The following CSF2RB variants were observed in gnomAD, a reference collection of about 807,000 sequenced individuals.
CSF2RB encodes cytokine receptor common subunit beta.
CSF2RB carries 22 observed loss-of-function variants against 67.2 expected under a neutral mutation model. The ratio of observed to expected loss-of-function variants is 0.33; its 90% CI spans 0.23 to 0.47. The LOEUF is 0.47. Among genes scored for constraint, CSF2RB ranks in the 20% least tolerant of loss-of-function variants. CSF2RB has a pLI of 1.00. For synonymous variants in CSF2RB, 507 were observed against 482.9 expected, an observed-to-expected ratio of 1.05 and a Z score of -0.65; for missense variants, 1,113 against 1,174.5, an observed-to-expected ratio of 0.95 and a Z score of 0.76.
At chr22:36,932,936 A>C (rs1394001919) in intron 9 of CSF2RB, 32 bp downstream of exon 9, 1 of 1,612,180 alleles carries the variant, frequency 6.2e-7, no homozygotes, top group African/African-American at 1.3e-5. Context: ...GGGGAGAAAC[A>C]CTGGGGAGGG....
At chr22:36,918,831 G>A (rs937542211) in intron 1 of CSF2RB, among the ~76,000 whole-genome samples, 6 of 152,192 alleles carry the variant, frequency 3.9e-5, no homozygotes, top group African/African-American at 1.4e-4. Context: ...TGGGAATCCA[G>A]CTTCCTCTCT....
intron 4 of CSF2RB, among the ~76,000 whole-genome samples, chr22:36,927,021 T>A (rs1217194153): frequency 2.0e-5 from 3 of 152,150 alleles, no homozygotes; most frequent in Non-Finnish European, 4.4e-5. Context: ...GGGAGGTGAC[T>A]AGTCCAAGGC....
chr22:36,928,467 G>A (rs16997508), intron 4 of CSF2RB, among the ~76,000 whole-genome samples: 5,390 of 152,226 alleles, frequency 0.035, 316 homozygotes, highest in African/African-American at 0.12. Context: ...GTTCTGGGTT[G>A]ATGGTTCCTG....
In CSF2RB at chr22:36,926,098, C is replaced by G; in HGVS notation, c.312C>G (p.Val104=). 6.2e-7 allele frequency: 1 copy of G among 1,614,222 alleles called. No individual in the cohort carries two copies. The highest frequency in any genetic ancestry group is 1.1e-5 in the South Asian group (1 of 91,082). ...RRCVIPCQSF[V]VTDVDYFSFQ... Reference sequence around the variant, plus strand: ...GTGTCATTCCCTGCCAGAGTTTTGTCGTCACTGACGTTGACTACTTCTCAT... The same window carrying G: ...GTGTCATTCCCTGCCAGAGTTTTGTGGTCACTGACGTTGACTACTTCTCAT... Residue 104 remains valine (V), a synonymous_variant, in exon 4 of 14, where the codon GTC becomes GTG. Coordinates refer to ENST00000403662, the MANE Select transcript of CSF2RB (RefSeq NM_000395.3).
At chr22:36,935,738 T>C in intron 12 of CSF2RB, 51 bp downstream of exon 12, 1 of 1,574,576 alleles carries the variant, frequency 6.4e-7, no homozygotes, top group Non-Finnish European at 8.7e-7. Context: ...TTCCTGCCTC[T>C]CTTGTCTCTG....
At position 36,922,095 on chromosome 22, in the gene CSF2RB, C is replaced by A; in HGVS notation, c.-113C>A. 1.0e-6 allele frequency: 1 copy of A among 994,254 alleles called. No homozygotes were observed. Among genetic ancestry groups the A allele is most frequent in the Non-Finnish European group, 1.5e-6 (1 of 654,784 alleles). 61.6% of individuals were successfully genotyped at this position (994,254 alleles called of 1,614,324 possible). ...CCAAGAGCCTGTGAAATGGGTCTGG[C>A]CTGGCTCCCAGCTGGGCAGGAACAC... is the stretch of plus-strand genomic sequence containing the variant. On this transcript the variant is annotated 5_prime_UTR_variant, in exon 2 of 14. Coordinates refer to ENST00000403662, the MANE Select transcript of CSF2RB (RefSeq NM_000395.3).
chr22:36,925,928 C>G (rs1231739239), intron 3 of CSF2RB, 59 bp from the exon 4 acceptor site: 15 of 1,583,916 alleles, frequency 9.5e-6, no homozygotes, highest in East Asian at 2.2e-5. Context: ...ACTCGAGGAA[C>G]CTTTCGTGAG....
chr22:36,935,516 C>T (rs1254671386), intron 11 of CSF2RB, 75 bp downstream of exon 11: 2 of 1,603,750 alleles, frequency 1.2e-6, no homozygotes, highest in Non-Finnish European at 1.7e-6. Flanking sequence ...CCAGCTCCCT[C>T]CAGGCCCTGC....
At position 36,938,233 on chromosome 22, in the gene CSF2RB, C is replaced by A; in HGVS notation, c.2425C>A (p.Gln809Lys). The A allele has an allele frequency of 6.2e-7, 1 of 1,614,204 alleles. No individual in the cohort carries two copies. Among genetic ancestry groups the A allele is most frequent in the Non-Finnish European group, 8.5e-7 (1 of 1,180,014 alleles). The change falls in exon 14 of 14, where the codon CAG (glutamine) becomes AAG (lysine). Residue 809 changes from glutamine (Q) to lysine (K), a missense_variant. By Grantham distance (53) the Gln-to-Lys change is moderately conservative. Transcript: ENST00000403662. ...GGCAGATGTGTCCCCAACATCCCCA[C>A]AGCCCGAGGGCCTCCTTGTCCTGCA... ...RPADVSPTSPQPEGLLVLQQV... is the reference protein window; with the variant it reads ...RPADVSPTSPKPEGLLVLQQV...
rs2145833795 is a variant in CSF2RB at position 36,940,310 on chromosome 22, A to G, written c.*1808A>G. 1 of 152,380 alleles carries G rather than the reference A, an allele frequency of 6.6e-6. No homozygotes were observed. Among genetic ancestry groups the G allele is most frequent in the South Asian group, 2.1e-4 (1 of 4,834 alleles). 9.4% of individuals were successfully genotyped at this position (152,380 alleles called of 1,614,324 possible). A position where few individuals can be genotyped will look rare whatever the true frequency, so the allele number is the denominator to read the frequency against. On this transcript the variant is annotated 3_prime_UTR_variant, in exon 14 of 14. Coordinates refer to ENST00000403662, the MANE Select transcript of CSF2RB (RefSeq NM_000395.3). Reference sequence around the variant, plus strand: ...ATAACAACATTTTAGTACATTGTAAAGTAGAATCCTCTGTTCATAATGAAC... The same window carrying G: ...ATAACAACATTTTAGTACATTGTAAGGTAGAATCCTCTGTTCATAATGAAC...
Position 36,922,112 on chromosome 22 carries a change from C to A in CSF2RB, c.-96C>A. Reference sequence around the variant, plus strand: ...GGGTCTGGCCTGGCTCCCAGCTGGGCAGGAACACAGGACTTCAGGACACTA... The same window carrying A: ...GGGTCTGGCCTGGCTCCCAGCTGGGAAGGAACACAGGACTTCAGGACACTA... On this transcript the variant is annotated 5_prime_UTR_variant, in exon 2 of 14. Coordinates refer to ENST00000403662, the MANE Select transcript of CSF2RB (RefSeq NM_000395.3). 8.4e-7 allele frequency: 1 copy of A among 1,184,316 alleles called. No homozygotes were observed. The highest frequency in any genetic ancestry group is 1.2e-6 in the Non-Finnish European group (1 of 825,440). 73.4% of individuals were successfully genotyped at this position (1,184,316 alleles called of 1,614,324 possible).
At chr22:36,917,817 G>A (rs1456938576) in intron 1 of CSF2RB, among the ~76,000 whole-genome samples, 3 of 152,050 alleles carry the variant, frequency 2.0e-5, no homozygotes, top group Non-Finnish European at 2.9e-5. Flanking sequence ...CAGCTACTTG[G>A]GAGGCTAAGT....
At chr22:36,923,945 C>T (rs1028168461) in intron 3 of CSF2RB, 22 of 402,626 alleles carry the variant, frequency 5.5e-5, no homozygotes, top group African/African-American at 4.6e-4. Flanking sequence ...CCCACCCAAG[C>T]TCTCCTGGGC....
At chr22:36,928,032 CT>C (rs2145800436) in intron 4 of CSF2RB, among the ~76,000 whole-genome samples, 1 of 152,286 alleles carries the variant, frequency 6.6e-6, no homozygotes, top group Non-Finnish European at 1.5e-5. Flanking sequence ...ATGGAGACAA[CT>C]TAGATATAGG....
rs138565658 is a variant in CSF2RB at position 36,938,369 on chromosome 22, C to T, written c.2561C>T (p.Ala854Val). The change falls in exon 14 of 14, where the codon GCT (alanine) becomes GTT (valine). Residue 854 changes from alanine to valine, a missense_variant. Transcript: ENST00000403662. ...CCTGAGATCAAGAACCTAGACCAGG[C>T]TTTTCAAGTCAAGAAGCCCCCAGGC... ...PGPEIKNLDQ[A>V]FQVKKPPGQA... The T allele has an allele frequency of 2.3e-5, 37 of 1,614,064 alleles. No individual in the cohort carries two copies. In the South Asian group the frequency reaches 3.0e-4, roughly 13 times the overall value.
chr22:36,923,429 G>A, intron 3 of CSF2RB, 62 bp downstream of exon 3: 2 of 1,588,260 alleles, frequency 1.3e-6, no homozygotes, highest in Admixed American at 3.6e-5. Flanking sequence ...TGCCTGGCAT[G>A]GGGCGACAGT....
intron 4 of CSF2RB, among the ~76,000 whole-genome samples, chr22:36,926,946 C>T (rs1204947778): frequency 1.3e-5 from 2 of 151,796 alleles, no homozygotes; most frequent in African/African-American, 4.8e-5. Context: ...CATTGGGAGT[C>T]TCAGAACCAC....
chr22:36,923,499 G>A, intron 3 of CSF2RB, 132 bp downstream of exon 3: 3 of 1,379,324 alleles, frequency 2.2e-6, no homozygotes, highest in East Asian at 4.9e-5. Context: ...CAGAGGAGGA[G>A]GGAGGCCCTG....
At chr22:36,933,465 T>TCAGGGTC (rs2145815035) in intron 9 of CSF2RB, among the ~76,000 whole-genome samples, 1 of 152,266 alleles carries the variant, frequency 6.6e-6, no homozygotes, top group South Asian at 2.1e-4. Context: ...ACCCCCATTC[T>TCAGGGTC]CAGGGTCCAG....
Sources: allele counts gnomAD v4.1 joint callset (sites outside exome capture counted in the v4.1 genomes callset), GRCh38; gene constraint gnomAD v4.1.1; transcripts MANE v1.5; gene names NCBI Gene and HGNC (gene_info 2026-07-23, HGNC 2026-07-21).